The following PRDM5 variants were observed in gnomAD, a reference collection of about 807,000 sequenced individuals.
PRDM5 encodes PR/SET domain 5.
Under a neutral mutation model 81.2 loss-of-function variants are expected in PRDM5, and 56 were observed. The observed-to-expected ratio is 0.69, with a 90% CI of 0.56 to 0.86. The LOEUF is 0.86. PRDM5 is among the 40% of genes least tolerant of loss of function. The probability of loss-of-function intolerance (pLI) is 0.00; values close to 1 mark genes in which losing one functional copy is unlikely to be tolerated. For missense variants in PRDM5, 697 were observed against 770.1 expected, an observed-to-expected ratio of 0.91 and a Z score of 1.12; for synonymous variants, 267 against 256.4, an observed-to-expected ratio of 1.04 and a Z score of -0.39.
chr4:120,881,587 T>G (rs1762846698), intron 2 of PRDM5, among the ~76,000 whole-genome samples: 1 of 152,194 alleles, frequency 6.6e-6, no homozygotes, highest in Non-Finnish European at 1.5e-5. Flanking sequence ...AGCACCATTC[T>G]CTATGAGAAA....
intron 10 of PRDM5, among the ~76,000 whole-genome samples, chr4:120,786,528 G>C (rs1749785794): frequency 6.6e-6 from 1 of 152,124 alleles, no homozygotes; most frequent in Non-Finnish European, 1.5e-5. Context: ...CAAACGTCCA[G>C]ATATTCGGGC....
chr4:120,801,955 CT>C (rs72420079), intron 8 of PRDM5, among the ~76,000 whole-genome samples: 5 of 151,864 alleles, frequency 3.3e-5, no homozygotes, highest in Non-Finnish European at 7.4e-5. Flanking sequence ...TAAATGAAAA[CT>C]TTTGTTATCA....
chr4:120,774,926 A>ATGTATATGTATATG (rs1747904777), intron 13 of PRDM5, among the ~76,000 whole-genome samples: 1 of 138,946 alleles, frequency 7.2e-6, no homozygotes, highest in African/African-American at 2.7e-5. Context: ...ATATGTATAT[A>ATGTATATGTATATG]TATGTATATG....
chr4:120,688,449 T>G (rs1349545125), downstream of PRDM5, among the ~76,000 whole-genome samples: 1 of 152,174 alleles, frequency 6.6e-6, no homozygotes, highest in Non-Finnish European at 1.5e-5. Flanking sequence ...CTCTGATTAT[T>G]TCATTTGTTG....
rs70948365 is a variant in PRDM5, at chr4:120,872,150, C to CAAAAAAAAAAAAAAAAAAAAAAAAAAAAA, written c.178-18611_178-18610insTTTTTTTTTTTTTTTTTTTTTTTTTTTTT. 4.3e-4 allele frequency among the ~76,000 whole-genome samples: 18 copies of CAAAAAAAAAAAAAAAAAAAAAAAAAAAAA among 41,834 alleles called. 1 individual carries two copies. The highest frequency in any genetic ancestry group is 6.0e-4 in the Non-Finnish European group (15 of 25,052). The allele number at this position is 41,834 out of a possible 152,430, so 27.4% of individuals were successfully genotyped here. On this transcript the variant is annotated intron_variant, in intron 2 of 15. Coordinates refer to ENST00000264808, the MANE Select transcript of PRDM5 (RefSeq NM_018699.4). ...TGGGCGACAGAGCAAGACTCCATCT[C>CAAAAAAAAAAAAAAAAAAAAAAAAAAAAA]AAAAAAAAAAAAAAAAAAAAAAAAC...
chr4:120,848,747 A>C (rs1196783307), intron 3 of PRDM5, among the ~76,000 whole-genome samples: 1 of 152,306 alleles, frequency 6.6e-6, no homozygotes. Context: ...TGAAAATAAT[A>C]TTGATAAGTA....
intron 13 of PRDM5, among the ~76,000 whole-genome samples, chr4:120,768,585 C>T (rs1746747775): frequency 6.6e-6 from 1 of 152,158 alleles, no homozygotes; most frequent in African/African-American, 2.4e-5. Flanking sequence ...GCCCCCAGAT[C>T]TCTACTAGAT....
chr4:120,858,365 T>G (rs1040385669), intron 2 of PRDM5, among the ~76,000 whole-genome samples: 1 of 152,114 alleles, frequency 6.6e-6, no homozygotes, highest in Non-Finnish European at 1.5e-5. Flanking sequence ...AAAAAGCAAG[T>G]GTGCTCAAGT....
At chr4:120,749,231 G>T (rs183007456) in intron 14 of PRDM5, among the ~76,000 whole-genome samples, 108 of 152,050 alleles carry the variant, frequency 7.1e-4, no homozygotes, top group African/African-American at 2.5e-3. Context: ...ACACAGAATA[G>T]TCTCACCTTT....
At chr4:120,721,938 G>A (rs930020485) in intron 14 of PRDM5, among the ~76,000 whole-genome samples, 3 of 152,208 alleles carry the variant, frequency 2.0e-5, no homozygotes, top group Non-Finnish European at 2.9e-5. Flanking sequence ...TGGTGGGCAC[G>A]CGGGTGCCCA....
intron 7 of PRDM5, chr4:120,812,791 CT>C: frequency 2.4e-6 from 1 of 413,686 alleles, no homozygotes; most frequent in Non-Finnish European, 4.7e-6. Flanking sequence ...TAAAACAGGC[CT>C]TTCACTTTTC....
intron 2 of PRDM5, among the ~76,000 whole-genome samples, chr4:120,868,359 A>C (rs143850747): frequency 5.2e-4 from 79 of 152,328 alleles, no homozygotes; most frequent in African/African-American, 1.9e-3. Flanking sequence ...AAATGTATAA[A>C]TAGTAATGCT....
chr4:120,807,681 T>C (rs1193474607), intron 8 of PRDM5, among the ~76,000 whole-genome samples: 1 of 152,150 alleles, frequency 6.6e-6, no homozygotes, highest in Non-Finnish European at 1.5e-5. Context: ...AGTGTTACAG[T>C]TCTTAAAGGC....
At chr4:120,851,278 AT>A (rs1484499345) in intron 3 of PRDM5, among the ~76,000 whole-genome samples, 1 of 152,038 alleles carries the variant, frequency 6.6e-6, no homozygotes, top group Non-Finnish European at 1.5e-5. Flanking sequence ...TACCAAAACA[AT>A]GGGTTGGCTT....
chr4:120,729,138 T>A (rs1033631467), intron 14 of PRDM5, among the ~76,000 whole-genome samples: 1 of 152,182 alleles, frequency 6.6e-6, no homozygotes, highest in African/African-American at 2.4e-5. Flanking sequence ...TTTCTCAGGA[T>A]AAGCAGGTTT....
rs1734289421 is a variant in PRDM5, at chr4:120,694,237, G to A, written c.*874C>T. ...AATGTGGAGATGCCACTATTGTTCT[G>A]CCACTCTGTTGCCAAATACAGAGAA... On this transcript the variant is annotated 3_prime_UTR_variant, in exon 16 of 16. Coordinates refer to ENST00000264808, the MANE Select transcript of PRDM5 (RefSeq NM_018699.4). 6.6e-6 allele frequency: 1 copy of A among 152,040 alleles called. No homozygotes were observed. Among genetic ancestry groups the A allele is most frequent in the Non-Finnish European group, 1.5e-5 (1 of 67,990 alleles). 9.4% of individuals were successfully genotyped at this position (152,040 alleles called of 1,614,324 possible).
At chr4:120,801,452 T>C (rs4833183) in intron 8 of PRDM5, among the ~76,000 whole-genome samples, 43,736 of 152,198 alleles carry the variant, frequency 0.29, 6,497 homozygotes, top group East Asian at 0.37. Context: ...AGTTTGAAGG[T>C]TGCCAACCAG....
rs536911941 is a variant in PRDM5 at position 120,890,384 on chromosome 4, C to A, written c.177+17090G>T. ...AGAAACTCACCCCATGATCCAATCA[C>A]CTCCCACTAGGCCCTATCTCCAATT... On this transcript the variant is annotated intron_variant, in intron 2 of 15. Transcript: ENST00000264808. Among the ~76,000 whole-genome samples the A allele has an allele frequency of 8.7e-4, 132 of 152,302 alleles. 1 individual carries two copies. The highest frequency in any genetic ancestry group is 3.1e-3 in the African/African-American group (127 of 41,562).
intron 13 of PRDM5, 63 bp downstream of exon 13, chr4:120,777,125 T>C (rs1161688987): frequency 6.2e-7 from 1 of 1,611,758 alleles, no homozygotes. Flanking sequence ...CAATATTTCC[T>C]GTCTTGGAAG....
Sources: gnomAD v4.1 joint callset for allele counts (sites outside exome capture counted in the v4.1 genomes callset) on GRCh38, gnomAD v4.1.1 for gene constraint, MANE v1.5 for transcripts, NCBI Gene and HGNC (gene_info 2026-07-23, HGNC 2026-07-21) for gene names.